The following CFAP69 variants were observed in gnomAD, a reference collection of about 807,000 sequenced individuals.
CFAP69 encodes the protein cilia- and flagella-associated protein 69.
In CFAP69, 92 loss-of-function variants were observed where a neutral mutation model predicts 123.0. The observed-to-expected ratio is 0.75, with a 90% CI of 0.63 to 0.89. CFAP69 has a LOEUF of 0.89. Ranked by LOEUF, CFAP69 falls within the 40% of genes least tolerant of loss-of-function variation. The probability of loss-of-function intolerance (pLI) is 0.00; values close to 1 mark genes in which losing one functional copy is unlikely to be tolerated. For synonymous variants in CFAP69, 380 were observed against 364.3 expected (o/e 1.04, Z -0.49); for missense variants, 1,067 against 1,096.9 (o/e 0.97, Z 0.39).
chr7:90,299,964 A>C lies in CFAP69; in HGVS notation c.1955A>C (p.Lys652Thr). 1 of 1,612,446 alleles carries C rather than the reference A, an allele frequency of 6.2e-7. No homozygotes were observed. Among genetic ancestry groups the C allele is most frequent in the Non-Finnish European group, 8.5e-7 (1 of 1,179,222 alleles). The change falls in exon 17 of 23, where the codon AAG becomes ACG. Residue 652 changes from lysine (K) to threonine (T), a missense_variant. Transcript: ENST00000389297. ...TAAHVNAWQG[K>T]KDQTAASLLI... Reference sequence around the variant, plus strand: ...GCTCATGTCAATGCTTGGCAAGGGAAGAAGGATCAGACAGCTGCTAGTCTT... The same window carrying C: ...GCTCATGTCAATGCTTGGCAAGGGACGAAGGATCAGACAGCTGCTAGTCTT...
chr7:90,304,643 G>GTAGATAGATAGA lies in CFAP69; in HGVS notation c.2189-67_2189-56dup, dbSNP rs66750678. ...TAACTTTGCATTTGTTTTTAGATAG[G>GTAGATAGATAGA]TAGATAGATAGATAGATAGATAGAT... On this transcript the variant is annotated intron_variant, in intron 18 of 22. Transcript: ENST00000389297. The GTAGATAGATAGA allele has an allele frequency of 5.8e-4, 737 of 1,279,944 alleles. 1 individual carries two copies. Among genetic ancestry groups the GTAGATAGATAGA allele is most frequent in the Middle Eastern group, 6.6e-4 (3 of 4,536 alleles). 79.3% of individuals were successfully genotyped at this position (1,279,944 alleles called of 1,614,324 possible).
At chr7:90,254,597 G>T (rs1420782827) in intron 1 of CFAP69, among the ~76,000 whole-genome samples, 1 of 152,006 alleles carries the variant, frequency 6.6e-6, no homozygotes, top group Non-Finnish European at 1.5e-5. Context: ...ATAAACTTAG[G>T]GTGCTATGAG....
At chr7:90,295,365 C>T (rs192675536) in intron 15 of CFAP69, among the ~76,000 whole-genome samples, 1 of 152,130 alleles carries the variant, frequency 6.6e-6, no homozygotes, top group African/African-American at 2.4e-5. Context: ...AGGAGAGACC[C>T]TAACTCCCCT....
At chr7:90,312,465 C>G (rs1794417387), downstream of CFAP69, 1 of 152,108 alleles carries the variant, frequency 6.6e-6, no homozygotes, top group Admixed American at 6.5e-5. Flanking sequence ...TTTCTTCTTC[C>G]ATGTATTTTG....
At chr7:90,274,705 T>G (rs756129283) in intron 9 of CFAP69, among the ~76,000 whole-genome samples, 5 of 152,188 alleles carry the variant, frequency 3.3e-5, no homozygotes, top group African/African-American at 4.8e-5. Context: ...TATTCCCCTA[T>G]GTATAATATA....
chr7:90,294,558 G>C (rs1257774842), intron 15 of CFAP69, among the ~76,000 whole-genome samples: 2 of 152,210 alleles, frequency 1.3e-5, no homozygotes, highest in Non-Finnish European at 2.9e-5. Flanking sequence ...ATTGTGAAAA[G>C]AGAAAGCATG....
intron 22 of CFAP69, 101 bp from the exon 23 acceptor site, chr7:90,309,967 C>A: frequency 1.1e-6 from 1 of 936,404 alleles, no homozygotes; most frequent in Non-Finnish European, 1.6e-6. Flanking sequence ...TTATTCATTA[C>A]ATTTGTGTCT....
At position 90,288,272 on chromosome 7, in the gene CFAP69, T is replaced by C. The variant is rs757452654; in HGVS notation, c.1695T>C (p.His565=). 6.2e-6 allele frequency: 10 copies of C among 1,611,938 alleles called. No homozygotes were observed. The highest frequency in any genetic ancestry group is 2.2e-5 in the East Asian group (1 of 44,776). The change falls in exon 15 of 23, where the codon CAT becomes CAC. Residue 565 remains histidine (H), a synonymous_variant. Transcript: ENST00000389297. ...FGTEGVDIVL[H]VMKTDPRKLQ... ...CTGAAGGAGTAGATATCGTTCTTCA[T>C]GTGATGAAAACAGACCCCAGGAAGT... is the stretch of plus-strand genomic sequence containing the variant.
At chr7:90,278,997 C>G (rs1231099033) in intron 11 of CFAP69, among the ~76,000 whole-genome samples, 1 of 152,018 alleles carries the variant, frequency 6.6e-6, no homozygotes, top group Non-Finnish European at 1.5e-5. Flanking sequence ...TCTTGTGAAT[C>G]ATAAATATGT....
At chr7:90,268,792 A>C (rs1332466595) in intron 6 of CFAP69, 1 of 178,106 alleles carries the variant, frequency 5.6e-6, no homozygotes, top group Non-Finnish European at 1.2e-5. Flanking sequence ...AAATAGTTCT[A>C]TGTGTTATAG....
chr7:90,291,202 G>A (rs1230184517), intron 15 of CFAP69, among the ~76,000 whole-genome samples: 1 of 152,116 alleles, frequency 6.6e-6, no homozygotes, highest in Non-Finnish European at 1.5e-5. Flanking sequence ...CAGCCCTGAG[G>A]GCTGCTGGTT....
intron 15 of CFAP69, among the ~76,000 whole-genome samples, chr7:90,295,904 G>T (rs1262151317): frequency 6.6e-6 from 1 of 152,150 alleles, no homozygotes; most frequent in African/African-American, 2.4e-5. Flanking sequence ...TCATTGTGCT[G>T]GTGGGAGTGT....
At chr7:90,305,893 G>T (rs1793510501) in intron 19 of CFAP69, among the ~76,000 whole-genome samples, 1 of 148,948 alleles carries the variant, frequency 6.7e-6, no homozygotes, top group African/African-American at 2.5e-5. Context: ...TATTAGTACT[G>T]TATATTTGGA....
chr7:90,295,113 G>A (rs1187138531), intron 15 of CFAP69, among the ~76,000 whole-genome samples: 2 of 152,186 alleles, frequency 1.3e-5, no homozygotes, highest in South Asian at 2.1e-4. Flanking sequence ...TCCTACATGC[G>A]CCTAATCCTC....
intron 14 of CFAP69, among the ~76,000 whole-genome samples, chr7:90,287,067 C>T (rs183548299): frequency 2.0e-3 from 273 of 138,066 alleles, no homozygotes; most frequent in Non-Finnish European, 3.1e-3. Context: ...GCCTAGGTGA[C>T]GCAGTGAGAC....
At chr7:90,277,427 T>C (rs1788783542) in intron 11 of CFAP69, 93 bp downstream of exon 11, 18 of 1,089,140 alleles carry the variant, frequency 1.7e-5, no homozygotes, top group Non-Finnish European at 2.2e-5. Context: ...TTTTATCGGT[T>C]CATATATTTA....
chr7:90,264,665 G>GT (rs1222911588), intron 4 of CFAP69, among the ~76,000 whole-genome samples: 1 of 151,988 alleles, frequency 6.6e-6, no homozygotes, highest in Non-Finnish European at 1.5e-5. Flanking sequence ...GAGAAAGAGG[G>GT]TTCCTAAGTT....
the CFAP69 span, chr7:90,319,026 G>T: frequency 1.0e-5 from 2 of 191,212 alleles, no homozygotes; most frequent in East Asian, 1.3e-4. Flanking sequence ...CATGTCTGAT[G>T]TTTAAAATTT....
At chr7:90,297,956 G>T in intron 16 of CFAP69, 126 bp downstream of exon 16, 2 of 609,692 alleles carry the variant, frequency 3.3e-6, no homozygotes. Flanking sequence ...CAAAGGTACG[G>T]TCTTAAACAA....
Sources: allele counts gnomAD v4.1 joint callset (sites outside exome capture counted in the v4.1 genomes callset), GRCh38; gene constraint gnomAD v4.1.1; transcripts MANE v1.5; gene names NCBI Gene and HGNC (gene_info 2026-07-23, HGNC 2026-07-21).